RNF217: variants seen among roughly 807,000 people sequenced by gnomAD.
The protein encoded by RNF217 is ring finger protein 217.
Under a neutral mutation model 57.8 loss-of-function variants are expected in RNF217, and 31 were observed. The observed-to-expected ratio is 0.54, with a 90% CI of 0.40 to 0.72. RNF217 has a LOEUF of 0.72. Ranked by LOEUF, RNF217 falls within the 30% of genes least tolerant of loss-of-function variation. The pLI is 0.00. For missense variants in RNF217, 696 were observed against 708.3 expected (o/e 0.98, Z 0.20); for synonymous variants, 313 against 294.0 (o/e 1.06, Z -0.66).
chr6:125,009,988 T>C (rs1785356793), intron 1 of RNF217, among the ~76,000 whole-genome samples: 1 of 147,908 alleles, frequency 6.8e-6, no homozygotes, highest in Non-Finnish European at 1.5e-5. Context: ...TAGCATTCTT[T>C]TTTTTTTTTT....
At chr6:124,987,424 A>G (rs956570129) in intron 1 of RNF217, among the ~76,000 whole-genome samples, 5 of 152,158 alleles carry the variant, frequency 3.3e-5, no homozygotes, top group Non-Finnish European at 7.4e-5. Flanking sequence ...CCATGAATCT[A>G]GTTTCTGTTT....
intron 1 of RNF217, among the ~76,000 whole-genome samples, chr6:124,964,821 A>T (rs972836472): frequency 6.6e-6 from 1 of 152,226 alleles, no homozygotes; most frequent in South Asian, 2.1e-4. Context: ...TGGGATTCAG[A>T]CATTTCCAAA....
chr6:124,967,017 C>T (rs1283902933), intron 1 of RNF217, among the ~76,000 whole-genome samples: 1 of 152,176 alleles, frequency 6.6e-6, no homozygotes, highest in Non-Finnish European at 1.5e-5. Context: ...TTTCTGATCG[C>T]CACGGTGAAG....
chr6:125,078,510 A>G (rs959293360), intron 4 of RNF217, among the ~76,000 whole-genome samples: 1 of 152,128 alleles, frequency 6.6e-6, no homozygotes, highest in African/African-American at 2.4e-5. Flanking sequence ...GTGCTGCACC[A>G]TAGCATGGCA....
intron 5 of RNF217, chr6:125,082,449 T>A: frequency 6.2e-7 from 1 of 1,608,204 alleles, no homozygotes; most frequent in Non-Finnish European, 8.5e-7. Context: ...TATTATACAG[T>A]TGAGGAAATT....
At chr6:125,060,378 C>T (rs967512033) in intron 3 of RNF217, among the ~76,000 whole-genome samples, 2 of 151,884 alleles carry the variant, frequency 1.3e-5, no homozygotes, top group Admixed American at 6.6e-5. Flanking sequence ...CACACACACA[C>T]ACATATATAT....
At position 125,083,422 on chromosome 6, in the gene RNF217, A is replaced by G. The variant is rs1788675017; in HGVS notation, c.*485A>G. ...TGCACCTATTATAATCTGTGGCCCC[A>G]GCAGTATAATTCTTTTATCTTTCAA... On this transcript the variant is annotated 3_prime_UTR_variant, in exon 6 of 6. Transcript: ENST00000521654. 6.6e-6 allele frequency: 1 copy of G among 152,302 alleles called. No homozygotes were observed. 9.4% of individuals were successfully genotyped at this position (152,302 alleles called of 1,614,324 possible). A position where few individuals can be genotyped will look rare whatever the true frequency, so the allele number is the denominator to read the frequency against.
At chr6:125,014,002 TTA>T (rs1213742838) in intron 1 of RNF217, among the ~76,000 whole-genome samples, 3 of 152,224 alleles carry the variant, frequency 2.0e-5, no homozygotes, top group Admixed American at 6.5e-5. Context: ...GAAATTTATT[TTA>T]TTTAAGATTT....
At chr6:125,036,146 G>A (rs778044532) in intron 1 of RNF217, among the ~76,000 whole-genome samples, 4 of 151,766 alleles carry the variant, frequency 2.6e-5, no homozygotes, top group Non-Finnish European at 4.4e-5. Context: ...CTAATCGTTC[G>A]ACTCCCACTT....
chr6:124,989,966 T>C (rs1490702533), intron 1 of RNF217, among the ~76,000 whole-genome samples: 1 of 152,090 alleles, frequency 6.6e-6, no homozygotes, highest in Admixed American at 6.6e-5. Context: ...TTCTTTATAA[T>C]GTTTTGCAAA....
chr6:125,048,787 A>C (rs1407070850), intron 2 of RNF217, among the ~76,000 whole-genome samples: 1 of 152,080 alleles, frequency 6.6e-6, no homozygotes, highest in East Asian at 1.9e-4. Context: ...ATAAGCAGTA[A>C]CTAGAACTCT....
At chr6:124,979,926 CACTT>C (rs1039034848) in intron 1 of RNF217, among the ~76,000 whole-genome samples, 5 of 152,170 alleles carry the variant, frequency 3.3e-5, no homozygotes, top group African/African-American at 9.7e-5. Flanking sequence ...CATGTCCTGT[CACTT>C]ACTGGATCTT....
Position 125,007,436 on chromosome 6 carries a change from A to G in RNF217, c.883-37775A>G, listed in dbSNP as rs1241589691. Among the ~76,000 whole-genome samples the G allele has an allele frequency of 2.0e-5, 3 of 151,852 alleles. No individual in the cohort carries two copies. In the East Asian group the frequency reaches 5.8e-4, roughly 30 times the overall value. ...AATTTTTTGTATTTTGAGTGGAGAC[A>G]GGTTTTCTCCATGTTGGTCAGGCTG... On this transcript the variant is annotated intron_variant, in intron 1 of 5. Transcript: ENST00000521654.
chr6:125,077,326 A>G (rs543763077), intron 4 of RNF217, among the ~76,000 whole-genome samples: 1 of 152,202 alleles, frequency 6.6e-6, no homozygotes, highest in African/African-American at 2.4e-5. Flanking sequence ...CATTATGTCT[A>G]TATAAGTGAT....
At chr6:125,069,189 A>C (rs1259648985) in intron 3 of RNF217, among the ~76,000 whole-genome samples, 1 of 152,240 alleles carries the variant, frequency 6.6e-6, no homozygotes, top group Non-Finnish European at 1.5e-5. Flanking sequence ...AAAAGAACTC[A>C]GTACATTGGA....
At chr6:125,019,831 A>AGGGGG (rs375622929) in intron 1 of RNF217, among the ~76,000 whole-genome samples, 1 of 140,280 alleles carries the variant, frequency 7.1e-6, no homozygotes, top group Admixed American at 7.3e-5. Context: ...CCTTTTTTGC[A>AGGGGG]GTGGGGGGGG....
chr6:124,962,982 C>G lies in RNF217; in HGVS notation c.438C>G (p.Val146=), dbSNP rs1213954782. The G allele has an allele frequency of 1.9e-6, 3 of 1,596,994 alleles. No individual in the cohort carries two copies. Among genetic ancestry groups the G allele is most frequent in the Non-Finnish European group, 1.7e-6 (2 of 1,179,302 alleles). Residue 146 remains valine (V), a synonymous_variant, in exon 1 of 6, where the codon GTC becomes GTG. Coordinates refer to ENST00000521654, the MANE Select transcript of RNF217 (RefSeq NM_001286398.3). The surrounding 1 kb of genome is among the most constrained non-coding windows in gnomAD (Gnocchi z 4.6). ...GCGTGGGGGCCGCCGACGGACTGGT[C>G]CTGGACGTGCTGGGTCAGCGGCGCC... ...RTRVGAADGL[V]LDVLGQRRPS...
intron 1 of RNF217, among the ~76,000 whole-genome samples, chr6:125,004,352 C>T (rs951889816): frequency 6.6e-6 from 1 of 152,120 alleles, no homozygotes; most frequent in African/African-American, 2.4e-5. Context: ...AGTTAAGTGC[C>T]ATTACTTATG....
chr6:125,074,723 A>G (rs1174240490), intron 3 of RNF217, among the ~76,000 whole-genome samples: 1 of 152,094 alleles, frequency 6.6e-6, no homozygotes, highest in Non-Finnish European at 1.5e-5. Context: ...TGCAGTTATA[A>G]CTACACTACT....
Sources: gnomAD v4.1 joint callset for allele counts (sites outside exome capture counted in the v4.1 genomes callset) on GRCh38, gnomAD v4.1.1 for gene constraint, Gnocchi (gnomAD v3.1) non-coding constraint, MANE v1.5 for transcripts, NCBI Gene and HGNC (gene_info 2026-07-23, HGNC 2026-07-21) for gene names.